Variants in KHDRBS2 observed in about 807,000 individuals in gnomAD.
The protein encoded by KHDRBS2 is KH domain-containing, RNA-binding, signal transduction-associated protein 2.
A neutral mutation model predicts 44.3 loss-of-function variants in KHDRBS2; 26 were observed. That is an observed-to-expected ratio of 0.59 (90% CI 0.43 to 0.81). The LOEUF (loss-of-function observed/expected upper bound fraction) is 0.81, where lower values mean the gene tolerates loss of function less well. Ranked by LOEUF, KHDRBS2 falls within the 40% of genes least tolerant of loss-of-function variation. The pLI is 0.00. For missense variants in KHDRBS2, 476 were observed against 433.1 expected, an observed-to-expected ratio of 1.10 and a Z score of -0.88; for synonymous variants, 194 against 151.1, an observed-to-expected ratio of 1.28 and a Z score of -2.08.
chr6:61,644,175 G>C, the KHDRBS2 span, among the ~76,000 whole-genome samples: 1 of 152,102 alleles, frequency 6.6e-6, no homozygotes, highest in African/African-American at 2.4e-5. Flanking sequence ...TCTATTCTTT[G>C]ACAAAGCCAA....
intron 1 of KHDRBS2, among the ~76,000 whole-genome samples, chr6:62,201,242 A>T (rs558975023): frequency 2.6e-5 from 4 of 152,224 alleles, no homozygotes; most frequent in African/African-American, 7.2e-5. Flanking sequence ...TATTAAAAAA[A>T]ATTTTAGAGT....
intron 1 of KHDRBS2, among the ~76,000 whole-genome samples, chr6:62,193,132 T>A (rs1452677077): frequency 6.6e-6 from 1 of 152,078 alleles, no homozygotes; most frequent in Non-Finnish European, 1.5e-5. Context: ...CGAATATATA[T>A]GTATATAGGT....
chr6:61,746,310 C>T (rs1776848444), intron 6 of KHDRBS2, among the ~76,000 whole-genome samples: 3 of 152,070 alleles, frequency 2.0e-5, no homozygotes, highest in Admixed American at 1.3e-4. Flanking sequence ...CCTCCCCTTG[C>T]CCCCCATCCC....
At chr6:61,816,686 C>A (rs1194486802) in intron 6 of KHDRBS2, 7 of 426,640 alleles carry the variant, frequency 1.6e-5, no homozygotes, top group East Asian at 7.2e-5. Context: ...TCCAGTTTTG[C>A]AAAGACAGAC....
intron 2 of KHDRBS2, among the ~76,000 whole-genome samples, chr6:62,134,817 T>C (rs937901754): frequency 2.0e-5 from 3 of 152,192 alleles, no homozygotes; most frequent in African/African-American, 4.8e-5. Context: ...ACGGGGCCTT[T>C]AGCATCTTCA....
At chr6:62,156,876 G>C (rs1330675316) in intron 2 of KHDRBS2, among the ~76,000 whole-genome samples, 1 of 146,200 alleles carries the variant, frequency 6.8e-6, no homozygotes. Flanking sequence ...TAGTAGAGAC[G>C]GGGTTTCACC....
chr6:61,899,466 G>C (rs1190175716), intron 5 of KHDRBS2, among the ~76,000 whole-genome samples: 1 of 151,694 alleles, frequency 6.6e-6, no homozygotes, highest in Non-Finnish European at 1.5e-5. Context: ...AGATCTGTAT[G>C]TTATATGGGA....
chr6:61,878,837 T>G (rs914571743), intron 6 of KHDRBS2, among the ~76,000 whole-genome samples: 2 of 151,948 alleles, frequency 1.3e-5, no homozygotes, highest in Non-Finnish European at 2.9e-5. Context: ...CCTCTTCAAA[T>G]CTGTTTGTAA....
chr6:61,750,577 G>A (rs1345993572), intron 6 of KHDRBS2, among the ~76,000 whole-genome samples: 3 of 152,058 alleles, frequency 2.0e-5, no homozygotes, highest in Non-Finnish European at 4.4e-5. Context: ...ATGGTGCTTG[G>A]CTCACTACTT....
chr6:61,807,316 T>C (rs1352363323), intron 6 of KHDRBS2, among the ~76,000 whole-genome samples: 1 of 151,936 alleles, frequency 6.6e-6, no homozygotes, highest in Non-Finnish European at 1.5e-5. Context: ...AATCCCATTA[T>C]TGGGTATATA....
intron 3 of KHDRBS2, among the ~76,000 whole-genome samples, chr6:62,027,984 TCAGTCACA>T: frequency 6.6e-6 from 1 of 152,228 alleles, no homozygotes; most frequent in South Asian, 2.1e-4. Context: ...TGTAGCTAAG[TCAGTCACA>T]AATTGTAGGT....
At chr6:61,982,481 C>T (rs1774043993) in intron 3 of KHDRBS2, among the ~76,000 whole-genome samples, 2 of 151,770 alleles carry the variant, frequency 1.3e-5, no homozygotes, top group South Asian at 4.1e-4. Flanking sequence ...ACCATCCTGG[C>T]TAACACAGTG....
the KHDRBS2 span, among the ~76,000 whole-genome samples, chr6:61,592,728 T>A: frequency 6.6e-6 from 1 of 152,152 alleles, no homozygotes; most frequent in African/African-American, 2.4e-5. Context: ...GAAAGTTTCA[T>A]ATATTAAGTT....
chr6:61,816,822 T>C (rs1233319060), intron 6 of KHDRBS2: 1 of 385,272 alleles, frequency 2.6e-6, no homozygotes, highest in Non-Finnish European at 5.2e-6. Context: ...TTTATATTAA[T>C]ATTTTAGTGT....
At chr6:61,637,768 AT>A in the KHDRBS2 span, among the ~76,000 whole-genome samples, 1 of 151,966 alleles carries the variant, frequency 6.6e-6, no homozygotes, top group African/African-American at 2.4e-5. Context: ...TTTGATTTGC[AT>A]TTCTCTGATG....
chr6:62,236,506 G>A (rs176616), intron 1 of KHDRBS2, among the ~76,000 whole-genome samples: 25,687 of 151,460 alleles, frequency 0.17, 2,402 homozygotes, highest in African/African-American at 0.25. Context: ...TTTGAGAATG[G>A]GGAGCATCAA....
intron 7 of KHDRBS2, among the ~76,000 whole-genome samples, chr6:61,720,807 C>G (rs1314955066): frequency 1.3e-5 from 2 of 151,188 alleles, no homozygotes; most frequent in Admixed American, 6.6e-5. Flanking sequence ...TCAATTTTGG[C>G]TTTTGTTGCC....
chr6:61,695,702 A>T (rs1331373030), intron 8 of KHDRBS2, among the ~76,000 whole-genome samples: 1 of 152,200 alleles, frequency 6.6e-6, no homozygotes, highest in African/African-American at 2.4e-5. Flanking sequence ...TAAAGAAATA[A>T]ATACAAAATA....
chr6:61,671,940 C>T, the KHDRBS2 span, among the ~76,000 whole-genome samples: 3 of 151,816 alleles, frequency 2.0e-5, no homozygotes, highest in African/African-American at 4.8e-5. Flanking sequence ...CTGTGTGCTG[C>T]ACCCACTAAC....
Sources: gnomAD v4.1 joint callset for allele counts (sites outside exome capture counted in the v4.1 genomes callset) on GRCh38, gnomAD v4.1.1 for gene constraint, MANE v1.5 for transcripts, NCBI Gene and HGNC (gene_info 2026-07-23, HGNC 2026-07-21) for gene names.